ANKFN1: variants seen among roughly 807,000 people sequenced by gnomAD.
The protein encoded by ANKFN1 is ankyrin repeat and fibronectin type-III domain-containing protein 1.
In ANKFN1, 74 loss-of-function variants were observed where a neutral mutation model predicts 108.7. That is an observed-to-expected ratio of 0.68 (90% CI 0.56 to 0.83). The LOEUF is 0.83. Among genes scored for constraint, ANKFN1 ranks in the 40% least tolerant of loss-of-function variants. The probability of loss-of-function intolerance (pLI) is 0.00; values close to 1 mark genes in which losing one functional copy is unlikely to be tolerated. For missense variants in ANKFN1, 1,505 were observed against 1,382.3 expected (o/e 1.09, Z -1.41); for synonymous variants, 547 against 516.2 (o/e 1.06, Z -0.81).
Position 56,256,995 on chromosome 17 carries a change from GACCTATC to G in ANKFN1, c.53+29041_53+29047del, listed in dbSNP as rs140227957. ...ACATCACAGGCTTTGTCAAGTCTTA[GACCTATC>G]ACTCGCTATCCTGGTGACCTTAGTG... On this transcript the variant is annotated intron_variant, in intron 3 of 20. Transcript: ENST00000682825. Among the ~76,000 whole-genome samples the G allele has an allele frequency of 4.2e-3, 644 of 152,312 alleles. 5 individuals are homozygous for G. The highest frequency in any genetic ancestry group is 0.014 in the African/African-American group (562 of 41,562).
At chr17:56,168,907 C>G (rs1910399220) in intron 1 of ANKFN1, among the ~76,000 whole-genome samples, 2 of 152,188 alleles carry the variant, frequency 1.3e-5, no homozygotes, top group Admixed American at 6.5e-5. Flanking sequence ...TAGACCATTG[C>G]TTCTAGAATT....
At chr17:56,376,915 G>T (rs186874851) in intron 8 of ANKFN1, among the ~76,000 whole-genome samples, 1 of 152,108 alleles carries the variant, frequency 6.6e-6, no homozygotes, top group Admixed American at 6.5e-5. Flanking sequence ...TACTGTATCC[G>T]CAGGAACAGC....
intron 8 of ANKFN1, among the ~76,000 whole-genome samples, chr17:56,428,626 C>T (rs1247095612): frequency 6.6e-6 from 1 of 151,900 alleles, no homozygotes; most frequent in South Asian, 2.1e-4. Context: ...CCACGCTTGG[C>T]TAATTTTTGT....
chr17:56,290,254 C>G (rs1426173699), intron 3 of ANKFN1, among the ~76,000 whole-genome samples: 3 of 152,144 alleles, frequency 2.0e-5, no homozygotes, highest in Non-Finnish European at 4.4e-5. Flanking sequence ...GACCAAGAAC[C>G]CTCTAGAATT....
chr17:56,467,802 G>GA (rs780533881), intron 15 of ANKFN1, among the ~76,000 whole-genome samples: 3 of 31,248 alleles, frequency 9.6e-5, no homozygotes. Context: ...AAGAAAGAAA[G>GA]AAAGAAAGAA....
chr17:56,189,179 T>TTTTTTTTTTTTTTTTTTTTTTTTG (rs1244013476), intron 1 of ANKFN1, among the ~76,000 whole-genome samples: 11 of 111,378 alleles, frequency 9.9e-5, no homozygotes, highest in African/African-American at 3.9e-4. Flanking sequence ...ACTTTTTTTT[T>TTTTTTTTTTTTTTTTTTTTTTTTG]TTTTTTTTTG....
chr17:56,176,097 T>C (rs1911125947), intron 1 of ANKFN1, among the ~76,000 whole-genome samples: 1 of 152,156 alleles, frequency 6.6e-6, no homozygotes, highest in Admixed American at 6.5e-5. Context: ...ATCACCCTGC[T>C]GTGAGTCCAC....
upstream of ANKFN1, among the ~76,000 whole-genome samples, chr17:56,152,722 G>T (rs1433451895): frequency 6.6e-6 from 1 of 152,090 alleles, no homozygotes; most frequent in Non-Finnish European, 1.5e-5. Context: ...GAGGAATCAG[G>T]GTCCAATCAA....
chr17:56,093,281 G>A (rs1446766752), intron 4 of ANKFN1, among the ~76,000 whole-genome samples: 1 of 151,086 alleles, frequency 6.6e-6, no homozygotes, highest in Non-Finnish European at 1.5e-5. Flanking sequence ...CAGCAGCTTA[G>A]TGACAGGATG....
rs1916974110 is a variant in ANKFN1, at chr17:56,234,613, T to C, written c.53+6656T>C. ...TGAGAACATGCAGTATTTGGTTTTC[T>C]GTTCCTGCATTAGTCTGCTAAGGAT... On this transcript the variant is annotated intron_variant, in intron 3 of 20. Coordinates refer to ENST00000682825, the MANE Select transcript of ANKFN1 (RefSeq NM_001370326.1). Among the ~76,000 whole-genome samples, 7 of 152,326 alleles carry C rather than the reference T, an allele frequency of 4.6e-5. No homozygotes were observed. The South Asian group carries it at 1.2e-3, about 27-fold the overall frequency.
chr17:56,311,752 G>T (rs192002511), intron 3 of ANKFN1, among the ~76,000 whole-genome samples: 19 of 152,226 alleles, frequency 1.2e-4, no homozygotes, highest in Non-Finnish European at 1.9e-4. Flanking sequence ...ATTTGCATTG[G>T]GTGTATATGA....
chr17:56,188,543 ATATGTGTGTGTGTGTGTGTATG>A (rs1912482748), intron 1 of ANKFN1, among the ~76,000 whole-genome samples: 1 of 74,226 alleles, frequency 1.3e-5, no homozygotes, highest in Admixed American at 1.5e-4. Flanking sequence ...AATAAGATGT[ATATGTGTGTGTGTGTGTGTATG>A]TGTGTGTGTG....
intron 8 of ANKFN1, among the ~76,000 whole-genome samples, chr17:56,425,193 G>A (rs1263765344): frequency 4.6e-5 from 7 of 151,644 alleles, no homozygotes; most frequent in Non-Finnish European, 8.8e-5. Context: ...GTGATGCTGT[G>A]ATGCCAAATA....
rs151193213 is a variant in ANKFN1 at position 56,096,873 on chromosome 17, CA to C, written c.288+50550del. Among the ~76,000 whole-genome samples the C allele has an allele frequency of 8.3e-3, 1,271 of 152,298 alleles. 6 individuals carry two copies. The highest frequency in any genetic ancestry group is 0.014 in the Non-Finnish European group (979 of 68,026). Reference sequence around the variant, plus strand: ...ATAAAGAACCAACTTAAATGTCTATCAACAGTAAGCTGGATGAAGAAAATGT... The same window carrying C: ...ATAAAGAACCAACTTAAATGTCTATCACAGTAAGCTGGATGAAGAAAATGT... On this transcript the variant is annotated intron_variant, in intron 4 of 12. Coordinates refer to the ANKFN1 transcript ENST00000635860.
intron 1 of ANKFN1, among the ~76,000 whole-genome samples, chr17:56,202,481 T>G (rs1283468698): frequency 6.6e-6 from 1 of 152,192 alleles, no homozygotes; most frequent in Non-Finnish European, 1.5e-5. Context: ...ATCCTAGCAT[T>G]GCTAGCCTTC....
At chr17:56,150,786 A>C (rs1049364076), upstream of ANKFN1, among the ~76,000 whole-genome samples, 1 of 151,600 alleles carries the variant, frequency 6.6e-6, no homozygotes, top group African/African-American at 2.4e-5. Context: ...CTCGCTTATC[A>C]CTCCCTAGCC....
At chr17:56,357,138 T>A (rs942011454) in intron 6 of ANKFN1, among the ~76,000 whole-genome samples, 1 of 152,180 alleles carries the variant, frequency 6.6e-6, no homozygotes, top group Non-Finnish European at 1.5e-5. Context: ...AACCCAGGTT[T>A]CAGCCTCCAG....
At chr17:56,490,373 A>T (rs565691018) in intron 18 of ANKFN1, among the ~76,000 whole-genome samples, 1 of 152,266 alleles carries the variant, frequency 6.6e-6, no homozygotes, top group African/African-American at 2.4e-5. Flanking sequence ...TAGTAAAGAA[A>T]GGTATGTGAG....
At chr17:56,222,516 T>G (rs1474147587) in intron 2 of ANKFN1, among the ~76,000 whole-genome samples, 2 of 152,098 alleles carry the variant, frequency 1.3e-5, no homozygotes, top group Non-Finnish European at 2.9e-5. Context: ...TGAGATAGTC[T>G]TAAAGAAAGA....
Sources: gnomAD v4.1 joint callset for allele counts (sites outside exome capture counted in the v4.1 genomes callset) on GRCh38, gnomAD v4.1.1 for gene constraint, MANE v1.5 for transcripts, NCBI Gene and HGNC (gene_info 2026-07-23, HGNC 2026-07-21) for gene names.